The following PLCL1 variants were observed in gnomAD, a reference collection of about 807,000 sequenced individuals.
PLCL1 encodes the protein phospholipase C like 1 (inactive).
A neutral mutation model predicts 84.4 loss-of-function variants in PLCL1; 41 were observed. The ratio of observed to expected loss-of-function variants is 0.49; its 90% CI spans 0.38 to 0.63. PLCL1 has a LOEUF of 0.63. PLCL1 is among the 30% of genes least tolerant of loss of function. PLCL1 has a pLI of 0.00. For missense variants in PLCL1, 1,206 were observed against 1,367.8 expected, an observed-to-expected ratio of 0.88 and a Z score of 1.87; for synonymous variants, 490 against 488.3, an observed-to-expected ratio of 1.00 and a Z score of -0.05.
chr2:197,969,319 G>A lies in PLCL1; in HGVS notation c.241-114439G>A, dbSNP rs1009427795. Among the ~76,000 whole-genome samples, 12 of 152,184 alleles carry A rather than the reference G, an allele frequency of 7.9e-5. 1 individual carries two copies. Among genetic ancestry groups the A allele is most frequent in the African/African-American group, 2.9e-4 (12 of 41,448 alleles). ...TTGTAGTGTACATTTTTTATAGGGT[G>A]TGCATAGTGGCAATATGTCCTCTAT... On this transcript the variant is annotated intron_variant, in intron 1 of 5. Coordinates refer to ENST00000428675, the MANE Select transcript of PLCL1 (RefSeq NM_006226.4).
intron 1 of PLCL1, among the ~76,000 whole-genome samples, chr2:198,004,138 C>CTT (rs138010891): frequency 8.0e-5 from 12 of 149,864 alleles, no homozygotes; most frequent in Admixed American, 2.7e-4. Context: ...ATATATTTAG[C>CTT]TTTTTTTTTT....
At chr2:197,861,803 G>T (rs1038058967) in intron 1 of PLCL1, among the ~76,000 whole-genome samples, 1 of 152,130 alleles carries the variant, frequency 6.6e-6, no homozygotes, top group African/African-American at 2.4e-5. Flanking sequence ...GAAATCTTTT[G>T]TGTTGACTGT....
chr2:197,920,127 C>G (rs969211883), intron 1 of PLCL1, among the ~76,000 whole-genome samples: 1 of 152,056 alleles, frequency 6.6e-6, no homozygotes, highest in South Asian at 2.1e-4. Flanking sequence ...GACTCTGCAA[C>G]TCAAAATTTA....
intron 1 of PLCL1, among the ~76,000 whole-genome samples, chr2:197,842,767 C>G (rs1687036263): frequency 6.6e-6 from 1 of 152,158 alleles, no homozygotes; most frequent in Non-Finnish European, 1.5e-5. Context: ...ATCTCTTGTC[C>G]TTATGCCACA....
At chr2:197,947,949 C>G (rs184629098) in intron 1 of PLCL1, among the ~76,000 whole-genome samples, 168 of 152,180 alleles carry the variant, frequency 1.1e-3, no homozygotes, top group Non-Finnish European at 5.1e-4. Flanking sequence ...GAGTTTTAAG[C>G]AGTAGAGGAC....
At chr2:198,081,904 T>G (rs1389841274) in intron 1 of PLCL1, among the ~76,000 whole-genome samples, 1 of 152,188 alleles carries the variant, frequency 6.6e-6, no homozygotes, top group Non-Finnish European at 1.5e-5. Flanking sequence ...AAGGATATGG[T>G]CCAGACTACT....
intron 1 of PLCL1, among the ~76,000 whole-genome samples, chr2:197,955,516 C>G (rs1689467667): frequency 6.6e-6 from 1 of 150,820 alleles, no homozygotes; most frequent in South Asian, 2.1e-4. Context: ...GTTTGCTGCT[C>G]CTATTGATCT....
chr2:197,988,490 G>A (rs181488897), intron 1 of PLCL1, among the ~76,000 whole-genome samples: 2 of 152,090 alleles, frequency 1.3e-5, no homozygotes, highest in African/African-American at 2.4e-5. Flanking sequence ...TTCCATTCCT[G>A]AGTTACTTCA....
chr2:198,012,229 G>A (rs1690883454), intron 1 of PLCL1, among the ~76,000 whole-genome samples: 1 of 152,146 alleles, frequency 6.6e-6, no homozygotes, highest in Non-Finnish European at 1.5e-5. Flanking sequence ...ACTCTGGATT[G>A]TATACCCAGG....
chr2:197,966,163 T>C (rs911588160), intron 1 of PLCL1, among the ~76,000 whole-genome samples: 5 of 151,808 alleles, frequency 3.3e-5, no homozygotes, highest in African/African-American at 1.2e-4. Context: ...AAAGTTCTCT[T>C]TACTCTTCCC....
At position 198,131,742 on chromosome 2, in the gene PLCL1, G is replaced by T. The variant is rs181264755; in HGVS notation, c.3106-15038G>T. ...CAGGACATGGTTTAAACTCTATTTT[G>T]CCTTGGTTATCAAGCAATCAAATGG... On this transcript the variant is annotated intron_variant, in intron 5 of 5. Coordinates refer to ENST00000428675, the MANE Select transcript of PLCL1 (RefSeq NM_006226.4). 1.6e-4 allele frequency among the ~76,000 whole-genome samples: 24 copies of T among 152,270 alleles called. No homozygotes were observed. The East Asian group carries it at 2.9e-3, about 18-fold the overall frequency.
intron 1 of PLCL1, among the ~76,000 whole-genome samples, chr2:197,878,540 T>C (rs559672332): frequency 6.6e-6 from 1 of 152,310 alleles, no homozygotes; most frequent in South Asian, 2.1e-4. Flanking sequence ...GGATTTCCAT[T>C]TTCTAGGATA....
At chr2:198,044,488 T>C (rs1041576311) in intron 1 of PLCL1, among the ~76,000 whole-genome samples, 1 of 152,210 alleles carries the variant, frequency 6.6e-6, no homozygotes, top group Non-Finnish European at 1.5e-5. Flanking sequence ...AGCTCAAGTT[T>C]GTATTAACTT....
intron 1 of PLCL1, among the ~76,000 whole-genome samples, chr2:197,838,267 T>C (rs188263049): frequency 6.4e-4 from 97 of 152,378 alleles, no homozygotes; most frequent in African/African-American, 2.2e-3. Context: ...AACTGCCTTA[T>C]GCTTTCCTCA....
chr2:197,992,080 A>T (rs1156551645), intron 1 of PLCL1, among the ~76,000 whole-genome samples: 1 of 150,702 alleles, frequency 6.6e-6, no homozygotes, highest in Non-Finnish European at 1.5e-5. Flanking sequence ...TTTTTTAATT[A>T]TACTTTAAGT....
chr2:198,006,954 C>G (rs1485376014), intron 1 of PLCL1, among the ~76,000 whole-genome samples: 1 of 152,048 alleles, frequency 6.6e-6, no homozygotes, highest in African/African-American at 2.4e-5. Context: ...TCTGCAATAC[C>G]AAGTGAGCAG....
At chr2:198,111,578 A>G (rs1693623550) in intron 5 of PLCL1, among the ~76,000 whole-genome samples, 1 of 151,924 alleles carries the variant, frequency 6.6e-6, no homozygotes, top group African/African-American at 2.4e-5. Context: ...TTAAAAATGA[A>G]CATTCAGTGC....
chr2:198,136,006 C>A (rs1253976249), intron 5 of PLCL1, among the ~76,000 whole-genome samples: 1 of 152,142 alleles, frequency 6.6e-6, no homozygotes, highest in Non-Finnish European at 1.5e-5. Context: ...CACATTAATG[C>A]AATTGTCATT....
At chr2:198,027,437 T>C (rs1203353446) in intron 1 of PLCL1, among the ~76,000 whole-genome samples, 1 of 152,162 alleles carries the variant, frequency 6.6e-6, no homozygotes, top group Non-Finnish European at 1.5e-5. Flanking sequence ...GTACAACATA[T>C]TGACTATAGT....
Sources: gnomAD v4.1 joint callset for allele counts (sites outside exome capture counted in the v4.1 genomes callset) on GRCh38, gnomAD v4.1.1 for gene constraint, MANE v1.5 for transcripts, NCBI Gene and HGNC (gene_info 2026-07-23, HGNC 2026-07-21) for gene names.